The following ZNF362 variants were observed in gnomAD, a reference collection of about 807,000 sequenced individuals.
ZNF362 encodes the protein zinc finger protein 362.
ZNF362 carries 11 observed loss-of-function variants against 42.9 expected under a neutral mutation model. That is an observed-to-expected ratio of 0.26 (90% confidence interval 0.16 to 0.42). ZNF362 has a LOEUF of 0.42. ZNF362 is among the 20% of genes least tolerant of loss of function. The probability of loss-of-function intolerance (pLI) is 1.00; values close to 1 mark genes in which losing one functional copy is unlikely to be tolerated. For missense variants in ZNF362, 362 were observed against 576.2 expected (o/e 0.63, Z 3.81); for synonymous variants, 255 against 257.3 (o/e 0.99, Z 0.09).
the ZNF362 span, among the ~76,000 whole-genome samples, chr1:33,157,580 G>A: frequency 2.6e-5 from 4 of 152,124 alleles, no homozygotes; most frequent in African/African-American, 7.2e-5. Flanking sequence ...TGTAAGATGC[G>A]TGAGGGCAGG....
chr1:33,185,202 C>A, the ZNF362 span, among the ~76,000 whole-genome samples: 2 of 152,142 alleles, frequency 1.3e-5, no homozygotes, highest in South Asian at 4.1e-4. Context: ...ATGTGGTTTT[C>A]TCTGGCTGAA....
At chr1:33,216,386 G>A in the ZNF362 span, among the ~76,000 whole-genome samples, 4 of 147,980 alleles carry the variant, frequency 2.7e-5, no homozygotes, top group Non-Finnish European at 6.0e-5. Context: ...CAGATCATGA[G>A]GTCAGGAGTT....
chr1:33,222,013 G>A, the ZNF362 span, among the ~76,000 whole-genome samples: 1 of 152,144 alleles, frequency 6.6e-6, no homozygotes, highest in African/African-American at 2.4e-5. Flanking sequence ...GAAAGAAAGA[G>A]TGAGGTAGTA....
rs1645991006 is a variant in ZNF362, at chr1:33,281,138, C to T, written c.684-449C>T. On this transcript the variant is annotated intron_variant, in intron 5 of 8. Transcript: ENST00000539719. This position sits in a 1 kb window ranked among gnomAD's most constrained non-coding sequence, Gnocchi z 4.8. ...AAGAGCTTTCAGAAAATGCGGATGC[C>T]AGGGCTGCATCTCCAGGAATTCTGA... Among the ~76,000 whole-genome samples, 1 of 152,136 alleles carries T rather than the reference C, an allele frequency of 6.6e-6. No individual in the cohort carries two copies. The highest frequency in any genetic ancestry group is 1.5e-5 in the Non-Finnish European group (1 of 68,028).
Position 33,266,808 on chromosome 1 carries a change from C to T in ZNF362, c.-88-3679C>T, listed in dbSNP as rs1168158883. On this transcript the variant is annotated intron_variant, in intron 1 of 8. Coordinates refer to ENST00000539719, the MANE Select transcript of ZNF362 (RefSeq NM_152493.3). The surrounding 1 kb of genome is among the most constrained non-coding windows in gnomAD (Gnocchi z 4.3). Reference sequence around the variant, plus strand: ...ATCAGATCACCTTGTTCTGGGGGCCCTGATGCTGGAGGGATGCTGCCAAGG... The same window carrying T: ...ATCAGATCACCTTGTTCTGGGGGCCTTGATGCTGGAGGGATGCTGCCAAGG... Among the ~76,000 whole-genome samples the T allele has an allele frequency of 6.6e-6, 1 of 152,160 alleles. No individual in the cohort carries two copies. Among genetic ancestry groups the T allele is most frequent in the Non-Finnish European group, 1.5e-5 (1 of 68,024 alleles).
At chr1:33,186,696 C>T in the ZNF362 span, among the ~76,000 whole-genome samples, 1 of 142,420 alleles carries the variant, frequency 7.0e-6, no homozygotes, top group African/African-American at 2.6e-5. Context: ...ATTCCAGCTA[C>T]TTGTGAGGTT....
Position 33,300,246 on chromosome 1 carries a change from G to A in ZNF362, c.*1200G>A, listed in dbSNP as rs1027209466. On this transcript the variant is annotated 3_prime_UTR_variant, in exon 9 of 9. Coordinates refer to ENST00000539719, the MANE Select transcript of ZNF362 (RefSeq NM_152493.3). The stretch of plus-strand genomic sequence containing the variant: ...TGTGTTATTTTTATACACTTTTTAA[G>A]CCTTAACTCGCCATTGATTTACCAG... 3 of 152,550 alleles carry A rather than the reference G, an allele frequency of 2.0e-5. No individual in the cohort carries two copies. The highest frequency in any genetic ancestry group is 6.5e-5 in the Admixed American group (1 of 15,282). 9.4% of individuals were successfully genotyped at this position (152,550 alleles called of 1,614,324 possible).
rs199704320 is a variant in ZNF362, at chr1:33,294,930, A to G, written c.909-7A>G. The G allele has an allele frequency of 3.0e-5, 48 of 1,613,846 alleles. No individual in the cohort carries two copies. Among genetic ancestry groups the G allele is most frequent in the Admixed American group, 1.7e-4 (10 of 59,996 alleles). ...GGACTTCGACCTTACTGGGCTGCCCATTACAGAATCCACACAGGCGACAGA... is the reference window on the plus strand; with the variant it reads ...GGACTTCGACCTTACTGGGCTGCCCGTTACAGAATCCACACAGGCGACAGA... On this transcript the variant is annotated splice_region_variant and splice_polypyrimidine_tract_variant and intron_variant, in intron 6 of 8. Coordinates refer to ENST00000539719, the MANE Select transcript of ZNF362 (RefSeq NM_152493.3). The surrounding 1 kb of genome is among the most constrained non-coding windows in gnomAD (Gnocchi z 4.2).
At chr1:33,275,079 T>G in intron 2 of ZNF362, 1 of 985,426 alleles carries the variant, frequency 1.0e-6, no homozygotes. Context: ...ATAAACAATT[T>G]CATTTAAGCA....
the ZNF362 span, among the ~76,000 whole-genome samples, chr1:33,194,304 G>GGC: frequency 6.6e-6 from 1 of 152,030 alleles, no homozygotes; most frequent in Non-Finnish European, 1.5e-5. Context: ...GGGAGGCTGA[G>GGC]GCTGGTGGAT....
At chr1:33,249,682 G>A in the ZNF362 span, among the ~76,000 whole-genome samples, 2 of 152,076 alleles carry the variant, frequency 1.3e-5, no homozygotes, top group Admixed American at 1.3e-4. Flanking sequence ...TTTTCATCTG[G>A]GTCATAACCT....
chr1:33,144,135 C>CTTTTTT, the ZNF362 span, among the ~76,000 whole-genome samples: 12 of 146,570 alleles, frequency 8.2e-5, no homozygotes, highest in East Asian at 2.0e-4. Flanking sequence ...AATGTTACTT[C>CTTTTTT]TTTTTTTTTT....
chr1:33,263,658 A>C (rs916959637), intron 1 of ZNF362, among the ~76,000 whole-genome samples: 2 of 152,132 alleles, frequency 1.3e-5, no homozygotes, highest in African/African-American at 4.8e-5. Flanking sequence ...TGATCCACCC[A>C]CTTTGGCCTC....
chr1:33,253,895 C>CT (rs1299486815), upstream of ZNF362, among the ~76,000 whole-genome samples: 1 of 151,972 alleles, frequency 6.6e-6, no homozygotes, highest in Non-Finnish European at 1.5e-5. Context: ...AATTTATAGA[C>CT]TTTATGTTTT....
At chr1:33,167,139 C>T in the ZNF362 span, among the ~76,000 whole-genome samples, 1 of 152,138 alleles carries the variant, frequency 6.6e-6, no homozygotes, top group East Asian at 1.9e-4. The surrounding 1 kb of genome is among the most constrained non-coding windows in gnomAD (Gnocchi z 4.2). Flanking sequence ...CTCCTTTGTA[C>T]CATTAATTTA....
the ZNF362 span, among the ~76,000 whole-genome samples, chr1:33,216,937 C>G: frequency 1.3e-5 from 2 of 151,388 alleles, no homozygotes; most frequent in Non-Finnish European, 2.9e-5. Flanking sequence ...CAAGCAGAGG[C>G]GACGCGTGGG....
the ZNF362 span, among the ~76,000 whole-genome samples, chr1:33,203,401 C>T: frequency 6.6e-6 from 1 of 152,122 alleles, no homozygotes; most frequent in African/African-American, 2.4e-5. Flanking sequence ...GTTTTCATAT[C>T]ACGGCTATTG....
chr1:33,207,541 G>T, the ZNF362 span, among the ~76,000 whole-genome samples: 1 of 152,248 alleles, frequency 6.6e-6, no homozygotes, highest in African/African-American at 2.4e-5. Context: ...CTTCCACAAT[G>T]GTTGAACTAA....
chr1:33,248,033 C>T, the ZNF362 span, among the ~76,000 whole-genome samples: 435 of 152,344 alleles, frequency 2.9e-3, 1 homozygote, highest in African/African-American at 9.9e-3. Context: ...AATCCTGGCA[C>T]ACTGACCTGT....
Sources: gnomAD v4.1 joint callset for allele counts (sites outside exome capture counted in the v4.1 genomes callset) on GRCh38, gnomAD v4.1.1 for gene constraint, Gnocchi (gnomAD v3.1) non-coding constraint, MANE v1.5 for transcripts, NCBI Gene and HGNC (gene_info 2026-07-23, HGNC 2026-07-21) for gene names.